Variants in LGR6 observed in about 807,000 individuals in gnomAD.
LGR6 encodes leucine rich repeat containing G protein-coupled receptor 6, also known as leucine-rich repeat-containing G protein-coupled receptor 6.
Under a neutral mutation model 69.4 loss-of-function variants are expected in LGR6, and 45 were observed. The ratio of observed to expected loss-of-function variants is 0.65; its 90% CI spans 0.51 to 0.83. The LOEUF (loss-of-function observed/expected upper bound fraction) is 0.83, where lower values mean the gene tolerates loss of function less well. Ranked by LOEUF, LGR6 falls within the 40% of genes least tolerant of loss-of-function variation. The pLI is 0.00. For missense variants in LGR6, 1,108 were observed against 1,246.7 expected, an observed-to-expected ratio of 0.89 and a Z score of 1.68; for synonymous variants, 538 against 555.0, an observed-to-expected ratio of 0.97 and a Z score of 0.43.
chr1:202,266,854 T>C (rs1481278583), intron 4 of LGR6, among the ~76,000 whole-genome samples: 1 of 151,940 alleles, frequency 6.6e-6, no homozygotes, highest in African/African-American at 2.4e-5. Flanking sequence ...CAACTCTTGG[T>C]GCACACCATT....
chr1:202,316,077 A>C (rs1033204789), intron 17 of LGR6, among the ~76,000 whole-genome samples: 45 of 152,356 alleles, frequency 3.0e-4, no homozygotes, highest in African/African-American at 1.1e-3. Flanking sequence ...AATTTGGGAA[A>C]GTCTGCTTGA....
At chr1:202,197,261 AG>A (rs1025718413) in intron 1 of LGR6, 14 of 430,550 alleles carry the variant, frequency 3.3e-5, no homozygotes, top group Non-Finnish European at 6.6e-5. Context: ...TCTTGGTTCT[AG>A]GGAAGACCAG....
At chr1:202,245,661 C>A (rs1662597684) in intron 4 of LGR6, among the ~76,000 whole-genome samples, 1 of 152,126 alleles carries the variant, frequency 6.6e-6, no homozygotes, top group African/African-American at 2.4e-5. Flanking sequence ...GGCAAGAGTA[C>A]CCCGGGTGTT....
intron 1 of LGR6, among the ~76,000 whole-genome samples, chr1:202,199,843 G>T (rs1658777920): frequency 6.6e-6 from 1 of 152,192 alleles, no homozygotes; most frequent in Non-Finnish European, 1.5e-5. Flanking sequence ...TACCTCAAAG[G>T]GTTGTGAGGA....
intron 8 of LGR6, 38 bp from the exon 9 acceptor site, chr1:202,301,126 G>A (rs1305193372): frequency 6.2e-7 from 1 of 1,600,836 alleles, no homozygotes; most frequent in Non-Finnish European, 8.6e-7. Flanking sequence ...AGAAAGGCCT[G>A]AAAAACCCAA....
chr1:202,240,667 G>A (rs1465473619), intron 4 of LGR6, among the ~76,000 whole-genome samples: 1 of 152,146 alleles, frequency 6.6e-6, no homozygotes, highest in Non-Finnish European at 1.5e-5. Flanking sequence ...GATTCAGGGA[G>A]AGACCGCTTC....
intron 1 of LGR6, chr1:202,214,341 G>C (rs918463756): frequency 1.4e-5 from 17 of 1,187,440 alleles, no homozygotes; most frequent in Non-Finnish European, 1.8e-5. Context: ...GGCGCTACCC[G>C]GGCCGGCCCT....
chr1:202,258,298 CATG>C lies in LGR6; in HGVS notation c.429-18006_429-18004del, dbSNP rs1270869470. The stretch of plus-strand genomic sequence containing the variant: ...TTTTGCTCATCTATTTATTATATGA[CATG>C]AACTTTAGTTTTATTTTATGAAGGT... On this transcript the variant is annotated intron_variant, in intron 4 of 17. Transcript: ENST00000367278. Among the ~76,000 whole-genome samples the C allele has an allele frequency of 2.6e-5, 4 of 152,076 alleles. No homozygotes were observed. The East Asian group carries it at 5.8e-4, about 22-fold the overall frequency.
intron 4 of LGR6, among the ~76,000 whole-genome samples, chr1:202,262,910 A>G (rs1025858424): frequency 2.0e-5 from 3 of 151,102 alleles, no homozygotes; most frequent in Admixed American, 6.6e-5. Flanking sequence ...TTCCATTTAC[A>G]CTTCAATTTG....
At chr1:202,296,700 T>C (rs577090020) in intron 6 of LGR6, among the ~76,000 whole-genome samples, 11 of 152,368 alleles carry the variant, frequency 7.2e-5, no homozygotes, top group African/African-American at 2.6e-4. Flanking sequence ...TGGTCACTTA[T>C]GGGTCAATAT....
rs564654336 is a variant in LGR6, at chr1:202,207,557, C to T, written c.212+13356C>T. ...CTGCTTGAAAGGGAGGGCAGAGGGC[C>T]CATCCCACAGATGTCAGATCCTGTG... On this transcript the variant is annotated intron_variant, in intron 1 of 17. Transcript: ENST00000367278. Among the ~76,000 whole-genome samples, 21 of 152,260 alleles carry T rather than the reference C, an allele frequency of 1.4e-4. No homozygotes were observed. The East Asian group carries it at 4.1e-3, about 29-fold the overall frequency.
chr1:202,203,290 T>A (rs1184632326), intron 1 of LGR6, among the ~76,000 whole-genome samples: 1 of 152,088 alleles, frequency 6.6e-6, no homozygotes, highest in Non-Finnish European at 1.5e-5. Context: ...AAGGAAGCCT[T>A]CCCAGTGAAT....
chr1:202,300,944 C>G (rs772111614), intron 8 of LGR6, 24 bp downstream of exon 8: 3 of 1,586,652 alleles, frequency 1.9e-6, no homozygotes, highest in Non-Finnish European at 2.6e-6. Flanking sequence ...TCTCTGGTCT[C>G]TTAATGCCGA....
At chr1:202,225,282 G>C in intron 1 of LGR6, 141 bp from the exon 2 acceptor site, 2 of 729,800 alleles carry the variant, frequency 2.7e-6, no homozygotes, top group South Asian at 2.9e-5. Context: ...GCTGTTGTCA[G>C]ACTGGCTTTG....
At chr1:202,205,849 A>AACACACACACCTCCTTCAAAC (rs10624469) in intron 1 of LGR6, among the ~76,000 whole-genome samples, 2 of 146,420 alleles carry the variant, frequency 1.4e-5, no homozygotes, top group East Asian at 2.0e-4. Flanking sequence ...ACCTCCTTCA[A>AACACACACACCTCCTTCAAAC]ACACACACCT....
At chr1:202,290,034 A>G (rs1263575787) in intron 6 of LGR6, among the ~76,000 whole-genome samples, 1 of 152,238 alleles carries the variant, frequency 6.6e-6, no homozygotes, top group African/African-American at 2.4e-5. Flanking sequence ...GGATGGGCCA[A>G]CTTGCATGCT....
intron 3 of LGR6, among the ~76,000 whole-genome samples, chr1:202,233,512 G>A (rs969744343): frequency 5.3e-5 from 8 of 152,200 alleles, no homozygotes; most frequent in Admixed American, 3.3e-4. Flanking sequence ...CCCTTTAGAT[G>A]AAAGAAGTCA....
intron 1 of LGR6, among the ~76,000 whole-genome samples, chr1:202,224,175 A>G (rs1660350284): frequency 6.6e-6 from 1 of 152,020 alleles, no homozygotes; most frequent in South Asian, 2.1e-4. Flanking sequence ...TAAAATGGAG[A>G]TAATGATGGA....
In LGR6 at chr1:202,318,714, C is replaced by T. The variant is rs140358092; in HGVS notation, c.2411C>T (p.Thr804Met). The T allele has an allele frequency of 2.7e-5, 44 of 1,613,320 alleles. No homozygotes were observed. Among genetic ancestry groups the T allele is most frequent in the African/African-American group, 2.4e-4 (18 of 74,884 alleles). Residue 804 changes from threonine (T) to methionine (M), a missense_variant, in exon 18 of 18, where the codon ACG becomes ATG. By Grantham distance (81) the Thr-to-Met change is moderately conservative. Transcript: ENST00000367278. ...FASMLGLFPVTPEAVKSVLLV... is the reference protein window; with the variant it reads ...FASMLGLFPVMPEAVKSVLLV... ...TCCATGCTGGGCCTCTTCCCTGTCACGCCCGAGGCCGTCAAGTCTGTCCTG... is the reference window on the plus strand; with the variant it reads ...TCCATGCTGGGCCTCTTCCCTGTCATGCCCGAGGCCGTCAAGTCTGTCCTG...
Sources: gnomAD v4.1 joint callset for allele counts (sites outside exome capture counted in the v4.1 genomes callset) on GRCh38, gnomAD v4.1.1 for gene constraint, MANE v1.5 for transcripts, NCBI Gene and HGNC (gene_info 2026-07-23, HGNC 2026-07-21) for gene names.